LRP6: variants seen among roughly 807,000 people sequenced by gnomAD.
LRP6 encodes the protein low-density lipoprotein receptor-related protein 6.
A neutral mutation model predicts 184.1 loss-of-function variants in LRP6; 43 were observed. That is an observed-to-expected ratio of 0.23 (90% CI 0.18 to 0.30). The LOEUF (loss-of-function observed/expected upper bound fraction) is 0.30, where lower values mean the gene tolerates loss of function less well. Among genes scored for constraint, LRP6 ranks in the 10% least tolerant of loss-of-function variants. LRP6 has a pLI of 1.00. For missense variants in LRP6, 1,571 were observed against 2,005.3 expected, an observed-to-expected ratio of 0.78 and a Z score of 4.14; for synonymous variants, 719 against 684.9, an observed-to-expected ratio of 1.05 and a Z score of -0.78.
chr12:12,223,725 C>A (rs1343996107), intron 2 of LRP6, among the ~76,000 whole-genome samples: 1 of 152,124 alleles, frequency 6.6e-6, no homozygotes. Context: ...AATCAACTAA[C>A]CTTATTTAAA....
At position 12,135,295 on chromosome 12, in the gene LRP6, G is replaced by T. The variant is rs750614037; in HGVS notation, c.3613C>A (p.His1205Asn). The T allele has an allele frequency of 2.5e-6, 4 of 1,613,346 alleles. No individual in the cohort carries two copies. In the Admixed American group the frequency reaches 5.0e-5, roughly 20 times the overall value. Residue 1205 changes from histidine to asparagine, a missense_variant, in exon 17 of 23, where the codon CAC (histidine) becomes AAC (asparagine). By Grantham distance (68) the His-to-Asn change is moderately conservative. This residue lies in a region of LRP6 where 763 missense variants were observed against 859.5 expected (regional missense o/e 0.89). Coordinates refer to ENST00000261349, the MANE Select transcript of LRP6 (RefSeq NM_002336.3). ...CCACCATTATCCTGAGCACAAGGGT[G>T]CTGTCCTGCAAAGAGAAGAGGTGAG... ...KELNLQEYRQ[H>N]PCAQDNGGCS... is the part of the protein sequence containing the mutation.
At chr12:12,180,963 T>A (rs566758662) in intron 6 of LRP6, 80 bp downstream of exon 6, 2 of 1,470,352 alleles carry the variant, frequency 1.4e-6, no homozygotes, top group Non-Finnish European at 1.9e-6. Context: ...ATATATGTCA[T>A]GTTATCTTAG....
chr12:12,180,865 A>C (rs572207016), intron 6 of LRP6, among the ~76,000 whole-genome samples, 178 bp downstream of exon 6: 1 of 152,308 alleles, frequency 6.6e-6, no homozygotes, highest in Non-Finnish European at 1.5e-5. Context: ...CAAGGCAAAA[A>C]ACTAGCAATT....
chr12:12,133,052 T>C (rs889563498), intron 17 of LRP6, among the ~76,000 whole-genome samples: 18 of 152,360 alleles, frequency 1.2e-4, no homozygotes, highest in African/African-American at 4.1e-4. Context: ...TGGGGAATTT[T>C]AGGGATTATT....
chr12:12,175,161 G>T (rs572986531), intron 7 of LRP6, among the ~76,000 whole-genome samples: 102 of 152,278 alleles, frequency 6.7e-4, no homozygotes, highest in Non-Finnish European at 1.2e-3. Context: ...GGCCGAGGTG[G>T]GTGGATCATT....
rs121918313 is a variant in LRP6, at chr12:12,164,494, G to A, written c.1831C>T (p.Arg611Cys). Reference sequence around the variant, plus strand: ...TCAAAGCCAATAGGGCAAGCACAGCGAAGGCCCTGAGGTCTATAGAGGCAG... The same window carrying A: ...TCAAAGCCAATAGGGCAAGCACAGCAAAGGCCCTGAGGTCTATAGAGGCAG... ...HLCLYRPQGL[R>C]CACPIGFELI... Residue 611 changes from arginine to cysteine, a missense_variant, in exon 9 of 23, where the codon CGC (arginine) becomes TGC (cysteine). Arg to Cys is a radical substitution (Grantham distance 180). Coordinates refer to ENST00000261349, the MANE Select transcript of LRP6 (RefSeq NM_002336.3). 31 of 1,614,134 alleles carry A rather than the reference G, an allele frequency of 1.9e-5. No individual in the cohort carries two copies. Among genetic ancestry groups the A allele is most frequent in the Admixed American group, 5.0e-5 (3 of 60,016 alleles).
At chr12:12,233,262 T>A (rs899046971) in intron 2 of LRP6, among the ~76,000 whole-genome samples, 7 of 152,042 alleles carry the variant, frequency 4.6e-5, no homozygotes, top group Non-Finnish European at 2.9e-5. Flanking sequence ...GGTCAGGAGA[T>A]CGAGACCATC....
intron 17 of LRP6, 75 bp from the exon 18 acceptor site, chr12:12,132,132 G>A (rs1386416212): frequency 1.1e-6 from 1 of 885,358 alleles, no homozygotes; most frequent in East Asian, 2.4e-5. Context: ...ACATACCTGA[G>A]TGAAGCTCAT....
rs185244696 is a variant in LRP6, at chr12:12,138,330, T to A, written c.3602A>T (p.Glu1201Val). The change falls in exon 16 of 23, where the codon GAA (glutamate) becomes GTA (valine). Residue 1201 changes from glutamate (E) to valine (V), a missense_variant. Glu to Val is a moderately radical substitution (Grantham distance 121). Coordinates refer to ENST00000261349, the MANE Select transcript of LRP6 (RefSeq NM_002336.3). ...TTTATCCCATTAACACTTACTGTAT[T>A]CTTGAAGGTTCAGCTCCTTTACTGC... ...IHAVKELNLQEYRQHPCAQDN... is the reference protein window; with the variant it reads ...IHAVKELNLQVYRQHPCAQDN... The A allele has an allele frequency of 1.2e-6, 2 of 1,613,232 alleles. No homozygotes were observed. Among genetic ancestry groups the A allele is most frequent in the African/African-American group, 2.7e-5 (2 of 74,916 alleles).
intron 7 of LRP6, among the ~76,000 whole-genome samples, chr12:12,169,334 C>G (rs1288306355): frequency 6.6e-6 from 1 of 152,040 alleles, no homozygotes; most frequent in Non-Finnish European, 1.5e-5. Context: ...TCCACCAAAT[C>G]AATTAACAAA....
At chr12:12,129,377 ATC>A (rs1949715777) in intron 19 of LRP6, among the ~76,000 whole-genome samples, 1 of 152,084 alleles carries the variant, frequency 6.6e-6, no homozygotes, top group Non-Finnish European at 1.5e-5. Context: ...TACCTATGTT[ATC>A]TCTTGCTGAC....
chr12:12,165,955 C>A (rs556819853), intron 7 of LRP6, among the ~76,000 whole-genome samples: 1 of 152,266 alleles, frequency 6.6e-6, no homozygotes, highest in Non-Finnish European at 1.5e-5. Flanking sequence ...TTCCAACTAC[C>A]TAATAGTAAC....
intron 3 of LRP6, among the ~76,000 whole-genome samples, chr12:12,189,963 A>G (rs1863569273): frequency 6.6e-6 from 1 of 152,220 alleles, no homozygotes; most frequent in Non-Finnish European, 1.5e-5. Flanking sequence ...CCTTTTTGAG[A>G]GTAAAACTCT....
At chr12:12,152,763 C>T (rs571919923) in intron 12 of LRP6, among the ~76,000 whole-genome samples, 5 of 152,326 alleles carry the variant, frequency 3.3e-5, no homozygotes, top group African/African-American at 1.2e-4. Flanking sequence ...AGCCAAGCCA[C>T]GACTCCTTGC....
chr12:12,251,589 C>T (rs1018774363), intron 1 of LRP6, among the ~76,000 whole-genome samples: 2 of 151,858 alleles, frequency 1.3e-5, no homozygotes, highest in African/African-American at 2.4e-5. Context: ...AGGATGGTCT[C>T]GATCTCCTGA....
chr12:12,248,731 C>T lies in LRP6; in HGVS notation c.56-4076G>A, dbSNP rs567493646. Among the ~76,000 whole-genome samples, 464 of 152,148 alleles carry T rather than the reference C, an allele frequency of 3.0e-3. 3 individuals are homozygous for T. Among genetic ancestry groups the T allele is most frequent in the African/African-American group, 0.011 (436 of 41,520 alleles). On this transcript the variant is annotated intron_variant, in intron 1 of 22. Coordinates refer to ENST00000261349, the MANE Select transcript of LRP6 (RefSeq NM_002336.3). ...TCCTGACCTCGTGATCCGCCCGCCT[C>T]GGCCTCCCAAAGTGCTGGGATTACA... is the stretch of plus-strand genomic sequence containing the variant.
intron 19 of LRP6, among the ~76,000 whole-genome samples, chr12:12,127,658 G>T (rs1949691250): frequency 1.3e-5 from 2 of 152,114 alleles, no homozygotes; most frequent in Admixed American, 6.5e-5. Flanking sequence ...TTAAGAAGCA[G>T]AGGGCATCAA....
chr12:12,266,084 A>G (rs1293682854), intron 1 of LRP6, among the ~76,000 whole-genome samples: 1 of 152,152 alleles, frequency 6.6e-6, no homozygotes, highest in East Asian at 1.9e-4. Context: ...GAAGCTCAGA[A>G]GGCTCCCAAT....
chr12:12,218,886 A>G (rs571466892), intron 2 of LRP6, among the ~76,000 whole-genome samples: 4 of 152,332 alleles, frequency 2.6e-5, no homozygotes, highest in East Asian at 3.9e-4. Context: ...CAGGAAAGAG[A>G]GAAACTGAAA....
Sources: gnomAD v4.1 joint callset for allele counts (sites outside exome capture counted in the v4.1 genomes callset) on GRCh38, gnomAD v4.1.1 for gene constraint, gnomAD v4.1.1 regional missense constraint, MANE v1.5 for transcripts, NCBI Gene and HGNC (gene_info 2026-07-23, HGNC 2026-07-21) for gene names.